CTNNA1: variants seen among roughly 807,000 people sequenced by gnomAD.
The protein encoded by CTNNA1 is catenin alpha 1.
A neutral mutation model predicts 98.4 loss-of-function variants in CTNNA1; 37 were observed. That is an observed-to-expected ratio of 0.38 (90% CI 0.29 to 0.49). CTNNA1 has a LOEUF of 0.49. Among genes scored for constraint, CTNNA1 ranks in the 20% least tolerant of loss-of-function variants. The pLI, the probability that CTNNA1 is intolerant of heterozygous loss-of-function variation, is 0.95. For missense variants in CTNNA1, 761 were observed against 1,147.2 expected (o/e 0.66, Z 4.86); for synonymous variants, 404 against 413.2 (o/e 0.98, Z 0.27).
chr5:138,842,083 T>C (rs534496727), intron 7 of CTNNA1, among the ~76,000 whole-genome samples: 35 of 152,310 alleles, frequency 2.3e-4, no homozygotes, highest in Non-Finnish European at 4.9e-4. Flanking sequence ...ACCTGAGATA[T>C]TTTATTAGAA....
chr5:138,934,282 GC>G lies in CTNNA1; in HGVS notation c.*195del, dbSNP rs1766071539. 8 of 559,754 alleles carry G rather than the reference GC, an allele frequency of 1.4e-5. No individual in the cohort carries two copies. The South Asian group carries it at 2.1e-4, about 14-fold the overall frequency. The allele number at this position is 559,754 out of a possible 1,614,324, so 34.7% of individuals were successfully genotyped here. A position where few individuals can be genotyped will look rare whatever the true frequency, so the allele number is the denominator to read the frequency against. ...TTAAAAATGCTTTTAGAATGCAGGA[GC>G]CTACTTCTAGCTGTATTTTTTGTAT... On this transcript the variant is annotated 3_prime_UTR_variant, in exon 18 of 18. Coordinates refer to ENST00000302763, the MANE Select transcript of CTNNA1 (RefSeq NM_001903.5).
intron 9 of CTNNA1, among the ~76,000 whole-genome samples, chr5:138,894,914 C>T (rs1297404473): frequency 6.6e-6 from 1 of 152,212 alleles, no homozygotes; most frequent in Non-Finnish European, 1.5e-5. Context: ...CCACATGTCA[C>T]TTCTGTAGAG....
At chr5:138,847,862 G>A (rs1176684868) in intron 7 of CTNNA1, among the ~76,000 whole-genome samples, 1 of 152,202 alleles carries the variant, frequency 6.6e-6, no homozygotes, top group Non-Finnish European at 1.5e-5. Context: ...ATGTGGTACT[G>A]AGTAAAAGCT....
chr5:138,894,281 CTTTT>C (rs539073038), intron 9 of CTNNA1, among the ~76,000 whole-genome samples: 3 of 123,918 alleles, frequency 2.4e-5, no homozygotes, highest in Admixed American at 7.7e-5. Flanking sequence ...TTTTCTTTCT[CTTTT>C]TTTTTTTTTT....
intron 7 of CTNNA1, among the ~76,000 whole-genome samples, chr5:138,879,171 T>TAAAAAAAAAAAAAAAAAAAAAAAAAAA (rs35271091): frequency 1.2e-5 from 1 of 80,318 alleles, no homozygotes; most frequent in Non-Finnish European, 2.2e-5. Context: ...ACTCCGTCTT[T>TAAAAAAAAAAAAAAAAAAAAAAAAAAA]AAAAAAAAAA....
chr5:138,799,890 A>ATGTATG (rs1320107213), intron 3 of CTNNA1, among the ~76,000 whole-genome samples: 1 of 138,718 alleles, frequency 7.2e-6, no homozygotes, highest in African/African-American at 3.2e-5. Flanking sequence ...GTATGTATGT[A>ATGTATG]TGTGTGTGTG....
chr5:138,804,548 A>T (rs950455914), intron 3 of CTNNA1, among the ~76,000 whole-genome samples: 2 of 152,224 alleles, frequency 1.3e-5, no homozygotes, highest in African/African-American at 4.8e-5. Context: ...TGGCGATTTC[A>T]TATAAAGGGA....
At chr5:138,912,851 T>C (rs1289893884) in intron 10 of CTNNA1, among the ~76,000 whole-genome samples, 1 of 152,256 alleles carries the variant, frequency 6.6e-6, no homozygotes, top group Non-Finnish European at 1.5e-5. Context: ...TGTCCCTGTT[T>C]TTCTACTGCT....
chr5:138,770,642 G>A (rs760579535), intron 1 of CTNNA1, among the ~76,000 whole-genome samples: 11 of 152,074 alleles, frequency 7.2e-5, no homozygotes, highest in Non-Finnish European at 1.3e-4. Flanking sequence ...TTAGATTTTC[G>A]CTCAGATGTT....
Position 138,874,804 on chromosome 5 carries a change from CA to C in CTNNA1, c.1063-11404del, listed in dbSNP as rs1751126356. 8.4e-7 allele frequency: 1 copy of C among 1,193,204 alleles called. No homozygotes were observed. The highest frequency in any genetic ancestry group is 1.2e-6 in the Non-Finnish European group (1 of 822,476). 73.9% of individuals were successfully genotyped at this position (1,193,204 alleles called of 1,614,324 possible). On this transcript the variant is annotated intron_variant, in intron 7 of 17. Transcript: ENST00000302763. The surrounding 1 kb of genome is among the most constrained non-coding windows in gnomAD (Gnocchi z 4.1). ...ATGCTTTTACCTAAACCTCAAAATCCAAAATATGATGGTGATTTCCCTCATA... is the reference window on the plus strand; with the variant it reads ...ATGCTTTTACCTAAACCTCAAAATCCAAATATGATGGTGATTTCCCTCATA...
chr5:138,852,477 A>G (rs1236657102), intron 7 of CTNNA1, among the ~76,000 whole-genome samples: 2 of 150,458 alleles, frequency 1.3e-5, no homozygotes, highest in Non-Finnish European at 3.0e-5. Context: ...GGGGGTACAC[A>G]TTTGTCACTT....
chr5:138,863,239 T>A (rs1440368097), intron 7 of CTNNA1, among the ~76,000 whole-genome samples: 2 of 151,684 alleles, frequency 1.3e-5, no homozygotes, highest in African/African-American at 4.8e-5. Context: ...TATATATATA[T>A]AATTTATTTT....
In CTNNA1 at chr5:138,851,567, G is replaced by A. The variant is rs532744787; in HGVS notation, c.1062+23849G>A. Reference sequence around the variant, plus strand: ...GAGGCCAGGAGTTTGAGACCAGCCTGGCCAACATGGTGAAACCCTGTCTCT... The same window carrying A: ...GAGGCCAGGAGTTTGAGACCAGCCTAGCCAACATGGTGAAACCCTGTCTCT... On this transcript the variant is annotated intron_variant, in intron 7 of 17. Transcript: ENST00000302763. Among the ~76,000 whole-genome samples, 11 of 151,748 alleles carry A rather than the reference G, an allele frequency of 7.2e-5. No homozygotes were observed. In the South Asian group the frequency reaches 2.3e-3, roughly 32 times the overall value.
intron 1 of CTNNA1, among the ~76,000 whole-genome samples, chr5:138,774,747 G>C (rs897188383): frequency 6.6e-6 from 1 of 151,884 alleles, no homozygotes; most frequent in African/African-American, 2.4e-5. Context: ...TCAGCCTCCT[G>C]AGTAGCTGGG....
At chr5:138,907,071 G>T (rs1281211532) in intron 10 of CTNNA1, among the ~76,000 whole-genome samples, 1 of 152,118 alleles carries the variant, frequency 6.6e-6, no homozygotes, top group African/African-American at 2.4e-5. Context: ...ACCCAGGCTG[G>T]AGTGCAGTAG....
chr5:138,900,726 T>C (rs1757851827), intron 9 of CTNNA1, among the ~76,000 whole-genome samples: 1 of 152,202 alleles, frequency 6.6e-6, no homozygotes, highest in South Asian at 2.1e-4. Flanking sequence ...TGTACAGATG[T>C]CTAATCTGTT....
At chr5:138,770,736 A>G (rs781724017) in intron 1 of CTNNA1, among the ~76,000 whole-genome samples, 3 of 152,134 alleles carry the variant, frequency 2.0e-5, no homozygotes, top group Non-Finnish European at 4.4e-5. Context: ...GCAGATCACG[A>G]GGTCAGGAGA....
chr5:138,825,482 G>GTTTTTTGTTTTTTTTTTTTTT (rs1554085136), intron 6 of CTNNA1, among the ~76,000 whole-genome samples: 3 of 74,114 alleles, frequency 4.0e-5, no homozygotes, highest in African/African-American at 1.2e-4. Context: ...AGCAGTATAA[G>GTTTTTTGTTTTTTTTTTTTTT]TTTTTTTTTT....
intron 9 of CTNNA1, among the ~76,000 whole-genome samples, chr5:138,891,840 C>T (rs549118379): frequency 1.3e-5 from 2 of 152,192 alleles, no homozygotes; most frequent in South Asian, 4.1e-4. Flanking sequence ...TCTTGGGACC[C>T]CCAAATCAGT....
Sources: allele counts gnomAD v4.1 joint callset (sites outside exome capture counted in the v4.1 genomes callset), GRCh38; gene constraint gnomAD v4.1.1; non-coding constraint Gnocchi (gnomAD v3.1); transcripts MANE v1.5; gene names NCBI Gene and HGNC (gene_info 2026-07-23, HGNC 2026-07-21).